Variants in PXDNL observed in about 807,000 individuals in gnomAD.
PXDNL encodes peroxidasin like.
Under a neutral mutation model 150.8 loss-of-function variants are expected in PXDNL, and 145 were observed. The observed-to-expected ratio is 0.96, with a 90% confidence interval of 0.84 to 1.10. The LOEUF (loss-of-function observed/expected upper bound fraction) is 1.10, where lower values mean the gene tolerates loss of function less well. Among genes scored for constraint, PXDNL ranks in the 50% least tolerant of loss-of-function variants. PXDNL has a pLI of 0.00. For missense variants in PXDNL, 2,087 were observed against 1,873.9 expected (o/e 1.11, Z -2.10); for synonymous variants, 757 against 725.7 (o/e 1.04, Z -0.69).
rs539129307 is a variant in PXDNL at position 51,754,929 on chromosome 8, C to T, written c.164+54252G>A. Among the ~76,000 whole-genome samples, 3 of 152,306 alleles carry T rather than the reference C, an allele frequency of 2.0e-5. No individual in the cohort carries two copies. The South Asian group carries it at 6.2e-4, about 32-fold the overall frequency. On this transcript the variant is annotated intron_variant, in intron 1 of 22. Transcript: ENST00000356297. ...TTAGAGATGCGGTCTCACCAGGTGG[C>T]CTATACTGGCCTCAAACTCCTGGCC... is the stretch of plus-strand genomic sequence containing the variant.
chr8:51,644,313 C>A (rs200236680), intron 2 of PXDNL, among the ~76,000 whole-genome samples: 26,341 of 67,538 alleles, frequency 0.39, 7,135 homozygotes, highest in Non-Finnish European at 0.58. Context: ...AGCAAAGGCA[C>A]ATTTTTACAT....
intron 2 of PXDNL, among the ~76,000 whole-genome samples, chr8:51,607,864 G>GGAAGGAAGGAAGGAAGGAAA (rs1257071181): frequency 1.1e-4 from 12 of 113,454 alleles, no homozygotes; most frequent in Non-Finnish European, 1.5e-4. Context: ...GAGGAAGGAA[G>GGAAGGAAGGAAGGAAGGAAA]GAAGGAAGGA....
At chr8:51,610,638 C>T (rs1813980691) in intron 2 of PXDNL, among the ~76,000 whole-genome samples, 1 of 152,172 alleles carries the variant, frequency 6.6e-6, no homozygotes, top group African/African-American at 2.4e-5. Flanking sequence ...ACAGGCATGG[C>T]TCTGTTGCAT....
At chr8:51,578,829 G>C (rs1012687615) in intron 3 of PXDNL, among the ~76,000 whole-genome samples, 1 of 151,910 alleles carries the variant, frequency 6.6e-6, no homozygotes, top group African/African-American at 2.4e-5. Flanking sequence ...ACTTATTTTT[G>C]ACAAAGGTGC....
chr8:51,567,471 T>C (rs1471706084), intron 3 of PXDNL, among the ~76,000 whole-genome samples: 1 of 151,860 alleles, frequency 6.6e-6, no homozygotes, highest in Non-Finnish European at 1.5e-5. Context: ...CATTAAGGAT[T>C]GCTGTGTCAT....
chr8:51,361,899 C>T (rs1268799485), intron 19 of PXDNL, among the ~76,000 whole-genome samples: 1 of 126,380 alleles, frequency 7.9e-6, no homozygotes, highest in Non-Finnish European at 1.6e-5. Context: ...GGTCTTGCCA[C>T]TGCACACCAG....
chr8:51,429,102 G>A (rs1235984280), intron 12 of PXDNL, among the ~76,000 whole-genome samples: 1 of 152,174 alleles, frequency 6.6e-6, no homozygotes, highest in African/African-American at 2.4e-5. Flanking sequence ...GAAGTCATTA[G>A]GGACATGCAA....
At chr8:51,693,924 A>G (rs1816057194) in intron 1 of PXDNL, among the ~76,000 whole-genome samples, 1 of 152,240 alleles carries the variant, frequency 6.6e-6, no homozygotes, top group African/African-American at 2.4e-5. Flanking sequence ...GGAAATCTCT[A>G]GAAACCACAA....
intron 1 of PXDNL, among the ~76,000 whole-genome samples, chr8:51,767,365 T>C (rs144095663): frequency 1.5e-4 from 23 of 152,248 alleles, no homozygotes; most frequent in Non-Finnish European, 2.8e-4. Context: ...CTAGTTTTCA[T>C]GTTTTTGCTG....
At chr8:51,591,865 G>T (rs1179722969) in intron 3 of PXDNL, among the ~76,000 whole-genome samples, 1 of 152,130 alleles carries the variant, frequency 6.6e-6, no homozygotes, top group Admixed American at 6.5e-5. Flanking sequence ...TGATCCGCCC[G>T]CCTGGGCCTC....
At chr8:51,553,795 C>T (rs4295653) in intron 4 of PXDNL, among the ~76,000 whole-genome samples, 3 of 147,086 alleles carry the variant, frequency 2.0e-5, no homozygotes, top group East Asian at 4.0e-4. Context: ...ATATAAATCT[C>T]GGCATGTTAC....
intron 2 of PXDNL, among the ~76,000 whole-genome samples, chr8:51,621,689 C>T (rs1396880712): frequency 6.6e-6 from 1 of 152,000 alleles, no homozygotes; most frequent in Non-Finnish European, 1.5e-5. Context: ...CCTGTAATCC[C>T]CACACTTTGA....
At position 51,591,743 on chromosome 8, in the gene PXDNL, C is replaced by T. The variant is rs531774140; in HGVS notation, c.308+884G>A. 2.0e-3 allele frequency among the ~76,000 whole-genome samples: 302 copies of T among 152,100 alleles called. 1 individual carries two copies. The highest frequency in any genetic ancestry group is 6.8e-3 in the African/African-American group (283 of 41,504). ...ACGCCATTCTCCTGCCTCAGCCTCC[C>T]GAGTAGCTGGGACTACAGGTGCCCA... On this transcript the variant is annotated intron_variant, in intron 3 of 22. Coordinates refer to ENST00000356297, the MANE Select transcript of PXDNL (RefSeq NM_144651.5).
chr8:51,408,110 G>A lies in PXDNL; in HGVS notation c.3514C>T (p.Gln1172Ter). 1 of 1,606,334 alleles carries A rather than the reference G, an allele frequency of 6.2e-7. No homozygotes were observed. The highest frequency in any genetic ancestry group is 8.5e-7 in the Non-Finnish European group (1 of 1,177,968). ...LTSVKNFEDL[Q>*]NEIKDSEIRQ... Reference sequence around the variant, plus strand: ...ATCTCTGAATCTTTAATTTCATTTTGAAGATCCTCAAAGTTCTTAACTGAA... The same window carrying A: ...ATCTCTGAATCTTTAATTTCATTTTAAAGATCCTCAAAGTTCTTAACTGAA... The change falls in exon 17 of 23, where the codon CAA becomes TAA. Residue 1172 changes from glutamine to a stop codon, truncating the protein, a stop_gained. Transcript: ENST00000356297. LOFTEE classifies it high-confidence loss of function.
At chr8:51,685,258 G>C (rs1010376232) in intron 1 of PXDNL, among the ~76,000 whole-genome samples, 1 of 152,136 alleles carries the variant, frequency 6.6e-6, no homozygotes, top group Non-Finnish European at 1.5e-5. Flanking sequence ...TTTTCACCTA[G>C]ATTAATGTCT....
chr8:51,788,841 C>A (rs2129254075), intron 1 of PXDNL, among the ~76,000 whole-genome samples: 1 of 152,240 alleles, frequency 6.6e-6, no homozygotes, highest in African/African-American at 2.4e-5. Context: ...AGCTCTGGTT[C>A]CCAAGGCTTT....
At chr8:51,423,843 C>T (rs2129738915) in intron 13 of PXDNL, 112 bp from the exon 14 acceptor site, 3 of 968,818 alleles carry the variant, frequency 3.1e-6, no homozygotes, top group South Asian at 3.7e-5. Context: ...TGCACGTTTG[C>T]TGTGTGTCAA....
rs200526018 is a variant in PXDNL at position 51,447,002 on chromosome 8, A to G, written c.1525+2T>C. ...GTGAATATGAATCACAGTATATATT[A>G]CCTTTGGGTTTTACAGTCAGCTGCA... On this transcript the variant is annotated splice_donor_variant, in intron 12 of 22. Transcript: ENST00000356297. LOFTEE classifies it high-confidence loss of function. 12 of 1,613,738 alleles carry G rather than the reference A, an allele frequency of 7.4e-6. No homozygotes were observed. The Admixed American group carries it at 2.0e-4, about 27-fold the overall frequency.
intron 4 of PXDNL, among the ~76,000 whole-genome samples, chr8:51,522,808 A>G (rs1004063283): frequency 6.6e-6 from 1 of 152,124 alleles, no homozygotes; most frequent in Non-Finnish European, 1.5e-5. Flanking sequence ...CGTGCCATTG[A>G]ACTCTAGCCT....
Sources: allele counts gnomAD v4.1 joint callset (sites outside exome capture counted in the v4.1 genomes callset), GRCh38; gene constraint gnomAD v4.1.1; transcripts MANE v1.5; gene names NCBI Gene and HGNC (gene_info 2026-07-23, HGNC 2026-07-21).